ZFPM1: variants seen among roughly 807,000 people sequenced by gnomAD.
The protein encoded by ZFPM1 is zinc finger protein ZFPM1.
Under a neutral mutation model 46.3 loss-of-function variants are expected in ZFPM1, and 28 were observed. That is an observed-to-expected ratio of 0.60 (90% confidence interval 0.45 to 0.83). The LOEUF (loss-of-function observed/expected upper bound fraction) is 0.83, where lower values mean the gene tolerates loss of function less well. Among genes scored for constraint, ZFPM1 ranks in the 40% least tolerant of loss-of-function variants. The probability of loss-of-function intolerance (pLI) is 0.00; values close to 1 mark genes in which losing one functional copy is unlikely to be tolerated. For missense variants in ZFPM1, 1,878 were observed against 1,432.4 expected, an observed-to-expected ratio of 1.31 and a Z score of -5.02; for synonymous variants, 957 against 675.9, an observed-to-expected ratio of 1.42 and a Z score of -6.45.
At chr16:88,475,520 G>C (rs571443062) in intron 1 of ZFPM1, among the ~76,000 whole-genome samples, 138 of 152,144 alleles carry the variant, frequency 9.1e-4, no homozygotes, top group Admixed American at 3.6e-3. Context: ...GTCCGGGGGG[G>C]GGAGCACAGC....
intron 1 of ZFPM1, 80 bp downstream of exon 1, chr16:88,453,758 T>G: frequency 1.1e-6 from 1 of 886,232 alleles, no homozygotes; most frequent in Non-Finnish European, 1.4e-6. Context: ...CCCCCGCCCG[T>G]CCCCGCTCTG....
At position 88,457,521 on chromosome 16, in the gene ZFPM1, C is replaced by G. The variant is rs191572040; in HGVS notation, c.40+3843C>G. On this transcript the variant is annotated intron_variant, in intron 1 of 9. Transcript: ENST00000319555. ...TGGTCCTTGGCCCAGTTGCCTCGTC[C>G]CCAGTCACCATCCTGAGGGGAACGG... Among the ~76,000 whole-genome samples the G allele has an allele frequency of 5.3e-4, 81 of 152,344 alleles. 1 individual carries two copies. In the East Asian group the frequency reaches 0.015, roughly 28 times the overall value.
intron 1 of ZFPM1, among the ~76,000 whole-genome samples, chr16:88,467,932 T>A: frequency 6.6e-6 from 1 of 151,562 alleles, no homozygotes; most frequent in Non-Finnish European, 1.5e-5. Context: ...CGGCCCCCCT[T>A]CCCCTTATCT....
chr16:88,486,327 G>A (rs141621476), intron 2 of ZFPM1, among the ~76,000 whole-genome samples: 33 of 152,320 alleles, frequency 2.2e-4, no homozygotes, highest in Middle Eastern at 3.4e-3. Flanking sequence ...GTCTGGCCCT[G>A]GGTTGGATGG....
In ZFPM1 at chr16:88,526,784, TCCCCACGTGTTCCTACCCTCCCC is replaced by T; in HGVS notation, c.403-24_403-2del. 6.7e-7 allele frequency: 1 copy of T among 1,491,716 alleles called. No individual in the cohort carries two copies. The allele number at this position is 1,491,716 out of a possible 1,614,324, so 92.4% of individuals were successfully genotyped here. A position where few individuals can be genotyped will look rare whatever the true frequency, so the allele number is the denominator to read the frequency against. On this transcript the variant is annotated splice_polypyrimidine_tract_variant and splice_region_variant and intron_variant, in intron 4 of 9. Transcript: ENST00000319555. ...CCCAGGCAGGCTGCTGACGGACCCC[TCCCCACGTGTTCCTACCCTCCCC>T]CCCCAGAGCCCAGCCCTGACCCTGC...
At chr16:88,452,937 A>C (rs1907340381), upstream of ZFPM1, among the ~76,000 whole-genome samples, 2 of 150,036 alleles carry the variant, frequency 1.3e-5, no homozygotes, top group African/African-American at 4.9e-5. Context: ...GGGAGGCTAG[A>C]GGTCTCCCCG....
At chr16:88,503,982 G>A (rs1213361600) in intron 3 of ZFPM1, among the ~76,000 whole-genome samples, 7 of 146,416 alleles carry the variant, frequency 4.8e-5, no homozygotes, top group South Asian at 2.2e-4. Context: ...GGGTACCAGC[G>A]TCCTCACCAG....
At chr16:88,494,991 CA>C (rs903588101) in intron 3 of ZFPM1, among the ~76,000 whole-genome samples, 35 of 152,360 alleles carry the variant, frequency 2.3e-4, no homozygotes, top group African/African-American at 8.4e-4. Context: ...TTCTGCTATG[CA>C]AATGGCTAAG....
intron 4 of ZFPM1, among the ~76,000 whole-genome samples, chr16:88,523,599 T>G (rs1236040803): frequency 6.6e-6 from 1 of 152,150 alleles, no homozygotes; most frequent in East Asian, 1.9e-4. Context: ...TGCTCACCTG[T>G]CCCCTGAGAG....
chr16:88,531,890 G>T, intron 6 of ZFPM1, 112 bp from the exon 7 acceptor site: 1 of 1,033,858 alleles, frequency 9.7e-7, no homozygotes, highest in Non-Finnish European at 1.4e-6. Context: ...TCAGCTCCTG[G>T]GGTGGGGAGG....
At position 88,534,856 on chromosome 16, in the gene ZFPM1, G is replaced by T; in HGVS notation, c.2898G>T (p.Ala966=). The T allele has an allele frequency of 6.4e-7, 1 of 1,561,976 alleles. No individual in the cohort carries two copies. The highest frequency in any genetic ancestry group is 2.5e-5 in the East Asian group (1 of 39,360). ...AGACTCCCAGCAAGGGCACGCCGGC[G>T]CCGCTGCCCAACGGCAACCACCGGT... is the stretch of plus-strand genomic sequence containing the variant. ...GVQTPSKGTP[A]PLPNGNHRYC... Residue 966 remains alanine (A), a synonymous_variant, in exon 10 of 10, where the codon GCG becomes GCT. Transcript: ENST00000319555.
rs1023130023 is a variant in ZFPM1 at position 88,534,218 on chromosome 16, GCCCCGCCCC to G, written c.2268_2276del (p.Pro758_Pro760del). ...GCTCTACGAGCTGCACGCGGCCGGC[GCCCCGCCCC>G]CCCCGCCGCCCGGCCACGCCCCCGC... On this transcript the variant is annotated inframe_deletion, in exon 10 of 10. Transcript: ENST00000319555. 2.3e-4 allele frequency: 226 copies of G among 980,264 alleles called. No individual in the cohort carries two copies. The highest frequency in any genetic ancestry group is 2.5e-4 in the Non-Finnish European group (210 of 829,248). The allele number at this position is 980,264 out of a possible 1,614,324, so 60.7% of individuals were successfully genotyped here.
chr16:88,527,460 G>A (rs1481316343), intron 5 of ZFPM1, among the ~76,000 whole-genome samples: 1 of 152,146 alleles, frequency 6.6e-6, no homozygotes, highest in Non-Finnish European at 1.5e-5. Flanking sequence ...GCTTAGGCAG[G>A]TCCACTGGCC....
At chr16:88,518,074 G>A (rs148799399) in intron 4 of ZFPM1, among the ~76,000 whole-genome samples, 4,477 of 152,210 alleles carry the variant, frequency 0.029, 233 homozygotes, top group African/African-American at 0.1. Flanking sequence ...GCATGGTGGC[G>A]GGCGCCTGTA....
chr16:88,487,957 G>C (rs1162236684), intron 2 of ZFPM1, among the ~76,000 whole-genome samples: 1 of 152,228 alleles, frequency 6.6e-6, no homozygotes, highest in Admixed American at 6.5e-5. Context: ...CGCCGTCCCC[G>C]TCGGCACACG....
intron 4 of ZFPM1, among the ~76,000 whole-genome samples, chr16:88,515,122 G>A (rs868516639): frequency 3.3e-5 from 5 of 152,246 alleles, no homozygotes; most frequent in African/African-American, 4.8e-5. Context: ...GGTTTCCTCC[G>A]AAGAGGGTAT....
chr16:88,461,804 C>T (rs1283459602), intron 1 of ZFPM1, among the ~76,000 whole-genome samples: 1 of 152,200 alleles, frequency 6.6e-6, no homozygotes, highest in East Asian at 1.9e-4. Context: ...CGGCTGTCCT[C>T]TTCTTGCCCG....
chr16:88,532,048 G>T lies in ZFPM1; in HGVS notation c.759G>T (p.Glu253Asp). The T allele has an allele frequency of 4.3e-6, 7 of 1,612,126 alleles. No individual in the cohort carries two copies. Among genetic ancestry groups the T allele is most frequent in the Non-Finnish European group, 5.9e-6 (7 of 1,179,478 alleles). Residue 253 changes from glutamate to aspartate, a missense_variant, in exon 7 of 10, where the codon GAG becomes GAT. Coordinates refer to ENST00000319555, the MANE Select transcript of ZFPM1 (RefSeq NM_153813.3). ...ACTGTGGCATCTGGTACCGCAGCGA[G>T]CGCAACCTGCAGGCGCACCTGCTCT... ...CKDCGIWYRS[E>D]RNLQAHLLYY... is the part of the protein sequence containing the mutation.
intron 4 of ZFPM1, among the ~76,000 whole-genome samples, chr16:88,523,219 A>C (rs1318916024): frequency 6.6e-6 from 1 of 151,818 alleles, no homozygotes; most frequent in Non-Finnish European, 1.5e-5. Flanking sequence ...AAAAAAAAAA[A>C]AAATAGGCCC....
Sources: allele counts gnomAD v4.1 joint callset (sites outside exome capture counted in the v4.1 genomes callset), GRCh38; gene constraint gnomAD v4.1.1; transcripts MANE v1.5; gene names NCBI Gene and HGNC (gene_info 2026-07-23, HGNC 2026-07-21).